Variants in PDE1A observed in about 807,000 individuals in gnomAD.
PDE1A encodes the protein phosphodiesterase 1A.
PDE1A carries 35 observed loss-of-function variants against 61.7 expected under a neutral mutation model. The observed-to-expected ratio is 0.57, with a 90% CI of 0.43 to 0.75. PDE1A has a LOEUF of 0.75. Among genes scored for constraint, PDE1A ranks in the 30% least tolerant of loss-of-function variants. The pLI is 0.00. For missense variants in PDE1A, 597 were observed against 630.6 expected (o/e 0.95, Z 0.57); for synonymous variants, 232 against 213.2 (o/e 1.09, Z -0.77).
At chr2:182,161,522 C>G (rs1425865156) in intron 13 of PDE1A, among the ~76,000 whole-genome samples, 4 of 152,100 alleles carry the variant, frequency 2.6e-5, no homozygotes, top group African/African-American at 9.7e-5. Flanking sequence ...CCACCCCTCT[C>G]TGGGATTAAC....
rs976440037 is a variant in PDE1A at position 182,334,956 on chromosome 2, T to G, written c.54-70542A>C. 2.6e-5 allele frequency among the ~76,000 whole-genome samples: 4 copies of G among 152,132 alleles called. No individual in the cohort carries two copies. The East Asian group carries it at 7.7e-4, about 29-fold the overall frequency. ...CAGGATACAAAATCAATGTGCAAAA[T>G]TCACAAGCATTCCTATACACAAATA... is the stretch of plus-strand genomic sequence containing the variant. On this transcript the variant is annotated intron_variant, in intron 1 of 13. Transcript: ENST00000351439.
intron 1 of PDE1A, among the ~76,000 whole-genome samples, chr2:182,324,846 C>T (rs886085391): frequency 6.6e-6 from 1 of 152,178 alleles, no homozygotes; most frequent in Non-Finnish European, 1.5e-5. Context: ...AAAATCAGTG[C>T]TTCAGTCTTG....
At chr2:182,336,953 T>G (rs1389928765) in intron 1 of PDE1A, among the ~76,000 whole-genome samples, 2 of 80,932 alleles carry the variant, frequency 2.5e-5, no homozygotes, top group African/African-American at 9.3e-5. Context: ...GTTCTGCACA[T>G]GTATCCCTTT....
chr2:182,556,843 C>T, the PDE1A span, among the ~76,000 whole-genome samples: 1 of 152,112 alleles, frequency 6.6e-6, no homozygotes, highest in African/African-American at 2.4e-5. Flanking sequence ...ATATAGTAAG[C>T]CTGGTACTTA....
intron 1 of PDE1A, among the ~76,000 whole-genome samples, chr2:182,333,733 G>A (rs1056243633): frequency 3.9e-5 from 6 of 152,040 alleles, no homozygotes; most frequent in African/African-American, 9.7e-5. Flanking sequence ...AAAGATCAGA[G>A]CAGAACTAAA....
chr2:182,201,659 A>AC (rs1686653767), intron 9 of PDE1A, 29 bp downstream of exon 9: 4 of 1,549,166 alleles, frequency 2.6e-6, no homozygotes, highest in Non-Finnish European at 3.5e-6. Context: ...ACAAAAAAAA[A>AC]AAAACAACAA....
At chr2:182,562,840 C>T in the PDE1A span, among the ~76,000 whole-genome samples, 19 of 152,226 alleles carry the variant, frequency 1.2e-4, no homozygotes, top group African/African-American at 3.1e-4. Context: ...AGTTTATTTG[C>T]GTAGAGGTGT....
chr2:182,624,455 T>C, the PDE1A span, among the ~76,000 whole-genome samples: 10 of 152,208 alleles, frequency 6.6e-5, no homozygotes, highest in Non-Finnish European at 1.2e-4. Flanking sequence ...GGAATGTATA[T>C]GGTAAGTCTT....
At chr2:182,322,623 G>T (rs189239701) in intron 1 of PDE1A, among the ~76,000 whole-genome samples, 22 of 152,204 alleles carry the variant, frequency 1.4e-4, no homozygotes, top group African/African-American at 5.1e-4. Context: ...AACTAACACA[G>T]AAGCTGAATT....
At chr2:182,241,692 T>A in intron 2 of PDE1A, 1 of 618,820 alleles carries the variant, frequency 1.6e-6, no homozygotes, top group Non-Finnish European at 2.5e-6. Flanking sequence ...AATGTATTTA[T>A]GAAATACCTT....
chr2:182,647,023 C>T, the PDE1A span, among the ~76,000 whole-genome samples: 2 of 152,158 alleles, frequency 1.3e-5, no homozygotes, highest in South Asian at 2.1e-4. Flanking sequence ...GAGATTGGCA[C>T]GATGACTTTT....
intron 7 of PDE1A, among the ~76,000 whole-genome samples, chr2:182,217,465 A>G (rs1238161633): frequency 1.6e-5 from 2 of 122,806 alleles, no homozygotes; most frequent in African/African-American, 3.1e-5. Flanking sequence ...AGAAACTACC[A>G]TCAGAGTGAA....
At chr2:182,474,370 C>T (rs1217985134) in intron 2 of PDE1A, among the ~76,000 whole-genome samples, 2 of 151,862 alleles carry the variant, frequency 1.3e-5, no homozygotes, top group Admixed American at 6.6e-5. Context: ...GCAAAGTAGG[C>T]TATTCAGCAG....
chr2:182,534,700 G>C, the PDE1A span, among the ~76,000 whole-genome samples: 1 of 150,156 alleles, frequency 6.7e-6, no homozygotes, highest in Non-Finnish European at 1.5e-5. Context: ...TTAATTTTTG[G>C]CCTATCATGT....
the PDE1A span, among the ~76,000 whole-genome samples, chr2:182,559,293 G>C: frequency 6.6e-6 from 1 of 152,068 alleles, no homozygotes; most frequent in Non-Finnish European, 1.5e-5. Flanking sequence ...GTGAAATCAG[G>C]AATAAGCAGT....
rs767032766 is a variant in PDE1A, at chr2:182,230,110, A to C, written c.571T>G (p.Leu191Val). The change falls in exon 6 of 14, where the codon TTA becomes GTA. Residue 191 changes from leucine (L) to valine (V), a missense_variant. Physicochemically the swap from Leu to Val is conservative, Grantham distance 32. Transcript: ENST00000351439. ...TTGTACTTGCTGTAACCAACTTCTA[A>C]AGCTTCTGCAAAGGTGATTAGGCAA... is the stretch of plus-strand genomic sequence containing the variant. 3.1e-6 allele frequency: 5 copies of C among 1,612,860 alleles called. No individual in the cohort carries two copies. In the African/African-American group the frequency reaches 6.7e-5, roughly 22 times the overall value.
chr2:182,595,275 T>C, the PDE1A span, among the ~76,000 whole-genome samples: 3 of 152,186 alleles, frequency 2.0e-5, no homozygotes, highest in Admixed American at 1.3e-4. Context: ...TAGGACTATA[T>C]GAACACATTT....
chr2:182,249,869 G>A (rs553640201), intron 2 of PDE1A, among the ~76,000 whole-genome samples: 37 of 152,022 alleles, frequency 2.4e-4, no homozygotes, highest in Non-Finnish European at 4.3e-4. Flanking sequence ...TAAGAACCAG[G>A]CAAGAAACCA....
At chr2:182,625,077 C>T in the PDE1A span, among the ~76,000 whole-genome samples, 5 of 152,056 alleles carry the variant, frequency 3.3e-5, no homozygotes, top group South Asian at 4.2e-4. Flanking sequence ...ATGGGATTAG[C>T]GATGAGATTA....
Sources: allele counts gnomAD v4.1 joint callset (sites outside exome capture counted in the v4.1 genomes callset), GRCh38; gene constraint gnomAD v4.1.1; transcripts MANE v1.5; gene names NCBI Gene and HGNC (gene_info 2026-07-23, HGNC 2026-07-21).